EPB41: variants seen among roughly 807,000 people sequenced by gnomAD.
The protein encoded by EPB41 is erythrocyte membrane protein band 4.1, also known as protein 4.1.
A neutral mutation model predicts 108.0 loss-of-function variants in EPB41; 65 were observed. The ratio of observed to expected loss-of-function variants is 0.60; its 90% CI spans 0.49 to 0.74. The LOEUF is 0.74. Ranked by LOEUF, EPB41 falls within the 30% of genes least tolerant of loss-of-function variation. EPB41 has a pLI of 0.00. For synonymous variants in EPB41, 336 were observed against 358.9 expected (o/e 0.94, Z 0.72); for missense variants, 875 against 1,037.0 (o/e 0.84, Z 2.15).
intron 14 of EPB41, among the ~76,000 whole-genome samples, chr1:29,060,068 T>A (rs1241184613): frequency 6.6e-6 from 1 of 152,196 alleles, no homozygotes; most frequent in Non-Finnish European, 1.5e-5. Flanking sequence ...CACTCCATGA[T>A]ACATGGAGTT....
At chr1:28,904,552 A>G (rs2091604016) in intron 1 of EPB41, among the ~76,000 whole-genome samples, 1 of 152,170 alleles carries the variant, frequency 6.6e-6, no homozygotes, top group Non-Finnish European at 1.5e-5. Context: ...AATTAGGATA[A>G]GATGAGATTA....
intron 4 of EPB41, among the ~76,000 whole-genome samples, chr1:29,003,411 C>G (rs2096340961): frequency 1.3e-5 from 2 of 152,176 alleles, no homozygotes; most frequent in South Asian, 2.1e-4. Flanking sequence ...GCTGCCCCTT[C>G]CTAAGTTATT....
At chr1:29,046,274 G>A (rs868500648) in intron 11 of EPB41, among the ~76,000 whole-genome samples, 13 of 151,810 alleles carry the variant, frequency 8.6e-5, no homozygotes, top group South Asian at 6.2e-4. Context: ...ACAGGTGCAC[G>A]CCACCACCAT....
At chr1:29,030,968 G>A (rs902743647) in intron 8 of EPB41, among the ~76,000 whole-genome samples, 6 of 151,744 alleles carry the variant, frequency 4.0e-5, no homozygotes, top group African/African-American at 1.5e-4. Context: ...GACTACAGGC[G>A]CCAGCTACCA....
intron 1 of EPB41, among the ~76,000 whole-genome samples, chr1:28,934,166 A>G (rs564262120): frequency 6.6e-6 from 1 of 152,242 alleles, no homozygotes; most frequent in East Asian, 1.9e-4. Context: ...AGATTGCCTC[A>G]GTTGGGATTT....
At chr1:28,894,569 T>C (rs760907587) in intron 1 of EPB41, among the ~76,000 whole-genome samples, 4 of 151,540 alleles carry the variant, frequency 2.6e-5, no homozygotes, top group Non-Finnish European at 5.9e-5. Flanking sequence ...GGAGAGGGAG[T>C]GACAGAGCCT....
chr1:28,991,879 G>A (rs1215466676), intron 2 of EPB41, among the ~76,000 whole-genome samples: 2 of 152,026 alleles, frequency 1.3e-5, no homozygotes, highest in African/African-American at 2.4e-5. Flanking sequence ...ATAATACTAC[G>A]TGCCTCGCAG....
chr1:28,973,184 C>T (rs964870867), intron 1 of EPB41, among the ~76,000 whole-genome samples: 1 of 152,086 alleles, frequency 6.6e-6, no homozygotes, highest in East Asian at 1.9e-4. Context: ...AAGAATGTCA[C>T]TAGTTTCTGT....
upstream of EPB41, chr1:28,887,126 G>A: frequency 5.8e-6 from 5 of 857,944 alleles, no homozygotes; most frequent in Non-Finnish European, 8.4e-6. This position sits in a 1 kb window ranked among gnomAD's most constrained non-coding sequence, Gnocchi z 4.9. Context: ...GCCCCGGCGG[G>A]GCAAAGTGGC....
intron 16 of EPB41, among the ~76,000 whole-genome samples, chr1:29,082,279 C>T (rs908996080): frequency 3.3e-5 from 5 of 152,046 alleles, no homozygotes; most frequent in African/African-American, 9.7e-5. Flanking sequence ...CACCCGCCAC[C>T]ACGCCTGGCT....
chr1:28,989,473 A>G (rs1305733624), intron 2 of EPB41: 9 of 781,588 alleles, frequency 1.2e-5, no homozygotes, highest in Non-Finnish European at 1.4e-5. Context: ...TTGGGGGGAA[A>G]AAAGTAAAAG....
intron 7 of EPB41, among the ~76,000 whole-genome samples, chr1:29,021,149 C>T (rs1572588450): frequency 6.6e-6 from 1 of 152,242 alleles, no homozygotes; most frequent in African/African-American, 2.4e-5. Context: ...TTATAACCAC[C>T]CTTTGAGTTA....
At chr1:29,004,852 A>T (rs757816292) in intron 4 of EPB41, among the ~76,000 whole-genome samples, 36 of 152,204 alleles carry the variant, frequency 2.4e-4, no homozygotes, top group Non-Finnish European at 3.8e-4. Context: ...TTATTCCTTG[A>T]GTTAAGACAG....
At chr1:29,034,555 G>C (rs1638646592) in intron 9 of EPB41, among the ~76,000 whole-genome samples, 1 of 152,166 alleles carries the variant, frequency 6.6e-6, no homozygotes, top group Admixed American at 6.5e-5. Context: ...TCTAATCATA[G>C]TGTTACTGGC....
intron 12 of EPB41, among the ~76,000 whole-genome samples, chr1:29,054,782 T>G (rs1236047939): frequency 2.6e-5 from 4 of 152,162 alleles, no homozygotes; most frequent in Admixed American, 6.5e-5. Flanking sequence ...CCTGAGAGGT[T>G]GAAGAGGCTT....
intron 4 of EPB41, among the ~76,000 whole-genome samples, chr1:29,006,323 G>T (rs914937944): frequency 6.9e-6 from 1 of 144,788 alleles, no homozygotes; most frequent in Non-Finnish European, 1.5e-5. Context: ...TGCAAGCTCC[G>T]CCTCCCGGGT....
intron 1 of EPB41, among the ~76,000 whole-genome samples, chr1:28,899,707 C>T (rs2091077334): frequency 6.6e-6 from 1 of 152,078 alleles, no homozygotes; most frequent in African/African-American, 2.4e-5. Flanking sequence ...GGAAGGAACA[C>T]CAGCCCTCCT....
intron 1 of EPB41, among the ~76,000 whole-genome samples, chr1:28,971,180 CTTTTTTTTT>C (rs1000130058): frequency 2.9e-4 from 19 of 66,332 alleles, no homozygotes; most frequent in African/African-American, 1.2e-3. Context: ...TTCTTTCTTT[CTTTTTTTTT>C]TTTTTTTTTT....
intron 1 of EPB41, among the ~76,000 whole-genome samples, chr1:28,940,520 C>T (rs548421970): frequency 3.2e-4 from 48 of 152,158 alleles, no homozygotes; most frequent in African/African-American, 1.0e-3. Flanking sequence ...GGCGTGGTGG[C>T]GGGCGCCTGT....
Sources: allele counts gnomAD v4.1 joint callset (sites outside exome capture counted in the v4.1 genomes callset), GRCh38; gene constraint gnomAD v4.1.1; non-coding constraint Gnocchi (gnomAD v3.1); transcripts MANE v1.5; gene names NCBI Gene and HGNC (gene_info 2026-07-23, HGNC 2026-07-21).